The following PCDH9 variants were observed in gnomAD, a reference collection of about 807,000 sequenced individuals.
PCDH9 encodes protocadherin 9.
In PCDH9, 24 loss-of-function variants were observed where a neutral mutation model predicts 70.6. That is an observed-to-expected ratio of 0.34 (90% CI 0.25 to 0.48). PCDH9 has a LOEUF of 0.48. PCDH9 is among the 20% of genes least tolerant of loss of function. PCDH9 has a pLI of 0.99. For missense variants in PCDH9, 1,281 were observed against 1,503.6 expected, an observed-to-expected ratio of 0.85 and a Z score of 2.45; for synonymous variants, 562 against 558.5, an observed-to-expected ratio of 1.01 and a Z score of -0.09.
In PCDH9 at chr13:66,445,859, GA is replaced by G. The variant is rs930100901; in HGVS notation, c.3341-140832del. Among the ~76,000 whole-genome samples, 11 of 144,070 alleles carry G rather than the reference GA, an allele frequency of 7.6e-5. No individual in the cohort carries two copies. The South Asian group carries it at 1.7e-3, about 23-fold the overall frequency. 94.5% of individuals were successfully genotyped at this position (144,070 alleles called of 152,430 possible). On this transcript the variant is annotated intron_variant, in intron 4 of 4. Coordinates refer to ENST00000377865, the MANE Select transcript of PCDH9 (RefSeq NM_203487.3). ...ACACACAAGCATACACATATATAAAGAAAAAAATATATATCTATATTTTCCT... is the reference window on the plus strand; with the variant it reads ...ACACACAAGCATACACATATATAAAGAAAAAATATATATCTATATTTTCCT...
At chr13:66,814,015 T>C (rs949572735) in intron 3 of PCDH9, among the ~76,000 whole-genome samples, 2 of 152,206 alleles carry the variant, frequency 1.3e-5, no homozygotes, top group African/African-American at 4.8e-5. Flanking sequence ...GTCACATTAA[T>C]GTGTAAATGT....
At chr13:67,153,876 G>A (rs1269501818) in intron 2 of PCDH9, among the ~76,000 whole-genome samples, 1 of 152,136 alleles carries the variant, frequency 6.6e-6, no homozygotes, top group Non-Finnish European at 1.5e-5. Flanking sequence ...AGGAAATCAT[G>A]TTGCATAAAT....
At chr13:67,129,018 CTG>C (rs1283636610) in intron 2 of PCDH9, among the ~76,000 whole-genome samples, 15 of 152,156 alleles carry the variant, frequency 9.9e-5, no homozygotes, top group Admixed American at 9.8e-4. Context: ...CTACTGGAAA[CTG>C]TTTTTTTAAT....
chr13:66,475,016 G>A (rs895323152), intron 4 of PCDH9, among the ~76,000 whole-genome samples: 1 of 152,066 alleles, frequency 6.6e-6, no homozygotes, highest in Admixed American at 6.6e-5. Context: ...CAATAGATAG[G>A]TTAAAAATAT....
chr13:66,920,121 A>G (rs2082616014), intron 2 of PCDH9, among the ~76,000 whole-genome samples: 1 of 151,110 alleles, frequency 6.6e-6, no homozygotes, highest in East Asian at 1.9e-4. Context: ...TGATATCTAA[A>G]CACTGTTTGT....
chr13:66,931,714 A>AAGG (rs1439473874), intron 2 of PCDH9, among the ~76,000 whole-genome samples: 1 of 152,124 alleles, frequency 6.6e-6, no homozygotes, highest in Non-Finnish European at 1.5e-5. Flanking sequence ...TGCCTGTGTC[A>AAGG]AGTCCTCAAC....
At chr13:66,552,241 T>C (rs74093334) in intron 4 of PCDH9, among the ~76,000 whole-genome samples, 3,481 of 152,246 alleles carry the variant, frequency 0.023, 154 homozygotes, top group African/African-American at 0.08. Context: ...TTACTGATAT[T>C]GATTCCTGGA....
intron 3 of PCDH9, among the ~76,000 whole-genome samples, chr13:66,892,063 A>C (rs978772494): frequency 7.3e-5 from 11 of 151,596 alleles, no homozygotes; most frequent in African/African-American, 1.9e-4. Flanking sequence ...TCAATTAAAG[A>C]ATTTTTTTCC....
intron 4 of PCDH9, among the ~76,000 whole-genome samples, chr13:66,498,533 C>G (rs924388415): frequency 1.3e-5 from 2 of 152,066 alleles, no homozygotes; most frequent in Non-Finnish European, 2.9e-5. Flanking sequence ...CTGACTTCCT[C>G]AATATCCCTG....
At chr13:66,879,167 G>T (rs1051606248) in intron 3 of PCDH9, among the ~76,000 whole-genome samples, 1 of 152,062 alleles carries the variant, frequency 6.6e-6, no homozygotes, top group African/African-American at 2.4e-5. Flanking sequence ...TTATTCTGGA[G>T]TCAAATAAAA....
intron 3 of PCDH9, among the ~76,000 whole-genome samples, chr13:66,853,938 T>C (rs938370736): frequency 4.6e-5 from 7 of 152,096 alleles, no homozygotes; most frequent in Admixed American, 2.6e-4. Context: ...TGATGTAAAT[T>C]GGAGAAAAAT....
rs995699382 is a variant in PCDH9 at position 66,758,926 on chromosome 13, A to G, written c.3139-127515T>C. ...TGTTGGCAGGTAATTGTTCATAATAATCTCTTACAAAACTTTGTGTATTTC... is the reference window on the plus strand; with the variant it reads ...TGTTGGCAGGTAATTGTTCATAATAGTCTCTTACAAAACTTTGTGTATTTC... On this transcript the variant is annotated intron_variant, in intron 3 of 4. Coordinates refer to ENST00000377865, the MANE Select transcript of PCDH9 (RefSeq NM_203487.3). 1.2e-4 allele frequency among the ~76,000 whole-genome samples: 19 copies of G among 152,056 alleles called. No homozygotes were observed. The East Asian group carries it at 2.1e-3, about 17-fold the overall frequency.
At chr13:66,309,776 A>T (rs1279626414) in intron 4 of PCDH9, among the ~76,000 whole-genome samples, 2 of 151,630 alleles carry the variant, frequency 1.3e-5, no homozygotes, top group Non-Finnish European at 2.9e-5. Flanking sequence ...CTGGATTCTT[A>T]TTAGATGTTT....
chr13:66,707,526 C>T (rs779912680), intron 3 of PCDH9, among the ~76,000 whole-genome samples: 5 of 152,102 alleles, frequency 3.3e-5, no homozygotes, highest in Admixed American at 6.5e-5. Flanking sequence ...ATGTTCATGC[C>T]GATCAACATA....
intron 2 of PCDH9, among the ~76,000 whole-genome samples, chr13:67,099,675 T>C (rs1301640595): frequency 1.3e-5 from 2 of 152,124 alleles, no homozygotes; most frequent in Admixed American, 6.6e-5. Flanking sequence ...AAGGGCCCCA[T>C]GGAGAACACA....
At chr13:67,005,216 C>T (rs1396046168) in intron 2 of PCDH9, among the ~76,000 whole-genome samples, 2 of 150,466 alleles carry the variant, frequency 1.3e-5, no homozygotes, top group African/African-American at 2.4e-5. Context: ...ATAGAAGAGT[C>T]CCATTCCCAA....
At chr13:66,422,410 T>A (rs574817744) in intron 4 of PCDH9, among the ~76,000 whole-genome samples, 13 of 152,206 alleles carry the variant, frequency 8.5e-5, no homozygotes, top group African/African-American at 3.1e-4. Context: ...TAATTGGAAG[T>A]AAAACACTCC....
chr13:66,456,829 A>C (rs566142808), intron 4 of PCDH9, among the ~76,000 whole-genome samples: 1 of 152,190 alleles, frequency 6.6e-6, no homozygotes, highest in Non-Finnish European at 1.5e-5. Context: ...TGGTGATTAG[A>C]CCAAAAAAAA....
chr13:66,929,477 C>T (rs546169640), intron 2 of PCDH9, among the ~76,000 whole-genome samples: 40 of 152,108 alleles, frequency 2.6e-4, no homozygotes, highest in African/African-American at 8.9e-4. Flanking sequence ...GCATGTGCCA[C>T]CACACCCAGC....
Sources: gnomAD v4.1 joint callset for allele counts (sites outside exome capture counted in the v4.1 genomes callset) on GRCh38, gnomAD v4.1.1 for gene constraint, MANE v1.5 for transcripts, NCBI Gene and HGNC (gene_info 2026-07-23, HGNC 2026-07-21) for gene names.